Variants in PTPRG observed in about 807,000 individuals in gnomAD.
The protein encoded by PTPRG is protein tyrosine phosphatase receptor type G.
PTPRG carries 102 observed loss-of-function variants against 165.3 expected under a neutral mutation model. The observed-to-expected ratio is 0.62, with a 90% CI of 0.53 to 0.73. PTPRG has a LOEUF of 0.73. Among genes scored for constraint, PTPRG ranks in the 30% least tolerant of loss-of-function variants. PTPRG has a pLI of 0.00. For missense variants in PTPRG, 1,866 were observed against 1,861.4 expected (o/e 1.00, Z -0.05); for synonymous variants, 675 against 669.5 (o/e 1.01, Z -0.13).
rs559881090 is a variant in PTPRG at position 62,213,416 on chromosome 3, C to T, written c.2156-5435C>T. 3.9e-5 allele frequency among the ~76,000 whole-genome samples: 6 copies of T among 152,264 alleles called. No homozygotes were observed. Among genetic ancestry groups the T allele is most frequent in the Admixed American group, 3.3e-4 (5 of 15,292 alleles). On this transcript the variant is annotated intron_variant, in intron 12 of 29. Coordinates refer to ENST00000474889, the MANE Select transcript of PTPRG (RefSeq NM_002841.4). The surrounding 1 kb of genome is among the most constrained non-coding windows in gnomAD (Gnocchi z 4.4). Reference sequence around the variant, plus strand: ...TCTTTTATAACTTTCGAATGGGCCCCATGATTTCATTTTGCATTTGGTCCT... The same window carrying T: ...TCTTTTATAACTTTCGAATGGGCCCTATGATTTCATTTTGCATTTGGTCCT...
chr3:61,864,700 C>T (rs62243202), intron 2 of PTPRG, among the ~76,000 whole-genome samples: 1 of 152,024 alleles, frequency 6.6e-6, no homozygotes, highest in African/African-American at 2.4e-5. Flanking sequence ...TGGAGCATTC[C>T]AATAACACAG....
chr3:61,673,161 C>T (rs184215564), intron 1 of PTPRG, among the ~76,000 whole-genome samples: 2 of 152,046 alleles, frequency 1.3e-5, no homozygotes, highest in Non-Finnish European at 2.9e-5. Context: ...TACTCTGTCT[C>T]AAAATAAAAT....
chr3:61,925,423 G>A (rs1197236219), intron 2 of PTPRG, among the ~76,000 whole-genome samples: 3 of 152,136 alleles, frequency 2.0e-5, no homozygotes, highest in Non-Finnish European at 4.4e-5. Context: ...CTTCATCACC[G>A]GAAGCCCAGC....
At chr3:61,966,419 T>A (rs925822654) in intron 2 of PTPRG, among the ~76,000 whole-genome samples, 1 of 152,170 alleles carries the variant, frequency 6.6e-6, no homozygotes, top group Admixed American at 6.5e-5. Flanking sequence ...TATGGCTCTG[T>A]CCTGATGGAA....
intron 2 of PTPRG, among the ~76,000 whole-genome samples, chr3:61,879,856 G>A (rs1170431494): frequency 6.6e-6 from 1 of 152,164 alleles, no homozygotes; most frequent in Non-Finnish European, 1.5e-5. Context: ...TCCTAGCTCA[G>A]CTCCGTATGG....
rs185065199 is a variant in PTPRG at position 61,637,601 on chromosome 3, C to T, written c.85+75229C>T. On this transcript the variant is annotated intron_variant, in intron 1 of 29. Coordinates refer to ENST00000474889, the MANE Select transcript of PTPRG (RefSeq NM_002841.4). ...GTTCCCTTCAGGTTTCAGTTTCAGA[C>T]GGAAGCGAAGTTGTTTGTGATGCCG... Among the ~76,000 whole-genome samples the T allele has an allele frequency of 3.9e-5, 6 of 152,268 alleles. No individual in the cohort carries two copies. In the East Asian group the frequency reaches 5.8e-4, roughly 15 times the overall value.
intron 13 of PTPRG, among the ~76,000 whole-genome samples, chr3:62,230,762 C>T (rs1036991351): frequency 3.3e-5 from 5 of 152,124 alleles, no homozygotes; most frequent in Admixed American, 6.5e-5. Context: ...GGGTAAAAGA[C>T]AAAACCCGAA....
intron 1 of PTPRG, among the ~76,000 whole-genome samples, chr3:61,694,086 T>C (rs937681228): frequency 6.8e-6 from 1 of 147,364 alleles, no homozygotes; most frequent in Admixed American, 6.8e-5. Context: ...ATGAGTTGAG[T>C]AGGGGATGAA....
intron 5 of PTPRG, among the ~76,000 whole-genome samples, chr3:62,103,619 A>G (rs1702368918): frequency 6.6e-6 from 1 of 152,200 alleles, no homozygotes; most frequent in Admixed American, 6.5e-5. Flanking sequence ...CTACAGATAG[A>G]TCCTCTTTTC....
At chr3:61,671,713 C>G (rs1359401234) in intron 1 of PTPRG, among the ~76,000 whole-genome samples, 1 of 143,654 alleles carries the variant, frequency 7.0e-6, no homozygotes, top group Non-Finnish European at 1.5e-5. Context: ...CCAGTAGGGG[C>G]GGCCGGGCAG....
intron 1 of PTPRG, among the ~76,000 whole-genome samples, chr3:61,727,341 A>T (rs1266679904): frequency 6.6e-6 from 1 of 151,890 alleles, no homozygotes; most frequent in African/African-American, 2.4e-5. Flanking sequence ...TTTTTGGTAG[A>T]AACAGGGTTT....
At chr3:61,582,332 C>T (rs1700317538) in intron 1 of PTPRG, among the ~76,000 whole-genome samples, 1 of 152,084 alleles carries the variant, frequency 6.6e-6, no homozygotes, top group African/African-American at 2.4e-5. Context: ...TATATTCATA[C>T]ATGTCATTAT....
intron 2 of PTPRG, among the ~76,000 whole-genome samples, chr3:61,810,968 C>G (rs1299682039): frequency 6.6e-6 from 1 of 152,136 alleles, no homozygotes; most frequent in Non-Finnish European, 1.5e-5. Context: ...TTGGGGAGTG[C>G]AAGGCTGTCA....
intron 2 of PTPRG, among the ~76,000 whole-genome samples, chr3:61,962,410 T>A (rs1279173567): frequency 6.6e-6 from 1 of 152,224 alleles, no homozygotes; most frequent in African/African-American, 2.4e-5. Context: ...GGAACATGTT[T>A]AACCTCTTGA....
intron 1 of PTPRG, among the ~76,000 whole-genome samples, chr3:61,681,416 TG>T (rs1183946664): frequency 6.6e-6 from 1 of 152,156 alleles, no homozygotes; most frequent in African/African-American, 2.4e-5. Flanking sequence ...TCATTTACAG[TG>T]GGGTATTGGT....
chr3:61,797,731 G>C (rs1453543718), intron 2 of PTPRG, among the ~76,000 whole-genome samples: 1 of 152,074 alleles, frequency 6.6e-6, no homozygotes, highest in Non-Finnish European at 1.5e-5. Context: ...GCCAAGTCCT[G>C]AGTTTGTATG....
intron 4 of PTPRG, among the ~76,000 whole-genome samples, chr3:62,020,227 T>C (rs985977342): frequency 1.3e-5 from 2 of 152,166 alleles, no homozygotes; most frequent in African/African-American, 4.8e-5. Flanking sequence ...TTTTCTAATA[T>C]CTCTCAGTTC....
At chr3:61,705,683 C>T (rs2031211681) in intron 1 of PTPRG, among the ~76,000 whole-genome samples, 1 of 152,112 alleles carries the variant, frequency 6.6e-6, no homozygotes. Context: ...GGAACGATGT[C>T]ATCATAGGCT....
intron 2 of PTPRG, among the ~76,000 whole-genome samples, chr3:61,860,434 CTTTTTTTTTTTTT>C (rs766688465): frequency 3.1e-5 from 3 of 95,530 alleles, no homozygotes; most frequent in Admixed American, 2.8e-4. Context: ...GTTTTTGTTC[CTTTTTTTTTTTTT>C]TTTTTTTTTT....
Sources: gnomAD v4.1 joint callset for allele counts (sites outside exome capture counted in the v4.1 genomes callset) on GRCh38, gnomAD v4.1.1 for gene constraint, Gnocchi (gnomAD v3.1) non-coding constraint, MANE v1.5 for transcripts, NCBI Gene and HGNC (gene_info 2026-07-23, HGNC 2026-07-21) for gene names.